ERCC6: variants seen among roughly 807,000 people sequenced by gnomAD.
ERCC6 encodes DNA excision repair protein ERCC-6.
In ERCC6, 116 loss-of-function variants were observed where a neutral mutation model predicts 158.7. The observed-to-expected ratio is 0.73, with a 90% CI of 0.63 to 0.85. ERCC6 has a LOEUF of 0.85. Ranked by LOEUF, ERCC6 falls within the 40% of genes least tolerant of loss-of-function variation. The pLI, the probability that ERCC6 is intolerant of heterozygous loss-of-function variation, is 0.00. For missense variants in ERCC6, 1,698 were observed against 1,799.4 expected (o/e 0.94, Z 1.02); for synonymous variants, 678 against 659.3 (o/e 1.03, Z -0.43).
Position 49,532,924 on chromosome 10 carries a change from T to C in ERCC6, c.41A>G (p.Glu14Gly), listed in dbSNP as rs1837507568. The change falls in exon 2 of 21, where the codon GAG becomes GGG. Residue 14 changes from glutamate (E) to glycine (G), a missense_variant. Glu to Gly is a moderately conservative substitution (Grantham distance 98). Transcript: ENST00000355832. The part of the protein sequence containing the change: ...EGIPHSSQTQ[E>G]QDCLQSQPVS... ...AGGTTGACTCTGTAAACAGTCTTGC[T>C]CCTGAGTTTGACTTGAGTGGGGGAT... The C allele has an allele frequency of 1.2e-6, 2 of 1,614,208 alleles. No individual in the cohort carries two copies. The highest frequency in any genetic ancestry group is 8.5e-7 in the Non-Finnish European group (1 of 1,180,034).
chr10:49,448,209 T>A, the ERCC6 span, among the ~76,000 whole-genome samples: 2 of 152,222 alleles, frequency 1.3e-5, no homozygotes, highest in African/African-American at 4.8e-5. Flanking sequence ...TTATTGAGTT[T>A]TAAAAAAATT....
At chr10:49,520,390 A>G (rs1016499802) in intron 5 of ERCC6, among the ~76,000 whole-genome samples, 2 of 152,330 alleles carry the variant, frequency 1.3e-5, no homozygotes. Context: ...CTGCCGATAC[A>G]TGAAAATAGA....
chr10:49,538,615 G>A (rs540660409), intron 1 of ERCC6, among the ~76,000 whole-genome samples: 1 of 152,270 alleles, frequency 6.6e-6, no homozygotes, highest in South Asian at 2.1e-4. Flanking sequence ...CGTACATCTA[G>A]CCCGACTCTC....
intron 1 of ERCC6, among the ~76,000 whole-genome samples, chr10:49,538,395 C>A (rs571949821): frequency 6.6e-6 from 1 of 152,188 alleles, no homozygotes; most frequent in East Asian, 1.9e-4. Context: ...CAGAGACCAC[C>A]TGGACAACTG....
chr10:49,440,207 G>A, the ERCC6 span, among the ~76,000 whole-genome samples: 1 of 152,206 alleles, frequency 6.6e-6, no homozygotes, highest in Non-Finnish European at 1.5e-5. Flanking sequence ...AGAAAAAGAG[G>A]TTTAATTGGA....
intron 8 of ERCC6, among the ~76,000 whole-genome samples, chr10:49,485,853 T>C (rs1190614852): frequency 2.0e-5 from 3 of 152,208 alleles, no homozygotes; most frequent in African/African-American, 4.8e-5. Flanking sequence ...CTAAACCTAG[T>C]AACCCACCAC....
At chr10:49,509,590 T>C (rs1287920534) in intron 5 of ERCC6, among the ~76,000 whole-genome samples, 1 of 152,200 alleles carries the variant, frequency 6.6e-6, no homozygotes, top group African/African-American at 2.4e-5. Flanking sequence ...AATAGTAAAC[T>C]GTCATTAAGT....
At chr10:49,523,176 A>C (rs1180562715) in intron 5 of ERCC6, among the ~76,000 whole-genome samples, 1 of 152,238 alleles carries the variant, frequency 6.6e-6, no homozygotes, top group Non-Finnish European at 1.5e-5. Flanking sequence ...GTATTTTAAA[A>C]GTAATAAGGT....
At chr10:49,508,910 G>C (rs1851490378) in intron 5 of ERCC6, among the ~76,000 whole-genome samples, 3 of 152,112 alleles carry the variant, frequency 2.0e-5, no homozygotes, top group Admixed American at 1.3e-4. Flanking sequence ...GAGACTTTAA[G>C]GGCTCTCTTT....
At chr10:49,453,244 C>CAGA (rs1187499117), downstream of ERCC6, among the ~76,000 whole-genome samples, 1 of 151,992 alleles carries the variant, frequency 6.6e-6, no homozygotes, top group African/African-American at 2.4e-5. Context: ...TACATCTTAT[C>CAGA]AGAATCTGTT....
intron 1 of ERCC6, among the ~76,000 whole-genome samples, chr10:49,537,073 C>T (rs934437054): frequency 1.3e-5 from 2 of 152,032 alleles, no homozygotes; most frequent in African/African-American, 2.4e-5. Context: ...TTGCCGGGAG[C>T]GGTGGCTCAT....
chr10:49,528,939 T>C (rs111500316), intron 3 of ERCC6, among the ~76,000 whole-genome samples: 67 of 152,326 alleles, frequency 4.4e-4, no homozygotes, highest in African/African-American at 1.5e-3. Flanking sequence ...GGCCATAAGA[T>C]AAGAAATAAA....
chr10:49,460,439 ACCAAATCTACTCCTAAAAAAGG>A lies in ERCC6; in HGVS notation c.3984-10_3995del. Reference sequence around the variant, plus strand: ...CAGAGAAGTTAGAATTCCTTTTCTTACCAAATCTACTCCTAAAAAAGGAAAAGCATCACAGTAGATTAAATGT... The same window carrying A: ...CAGAGAAGTTAGAATTCCTTTTCTTAAAAAGCATCACAGTAGATTAAATGT... On this transcript the variant is annotated splice_acceptor_variant and splice_polypyrimidine_tract_variant and coding_sequence_variant and intron_variant, in exon 20 of 21. Coordinates refer to ENST00000355832, the MANE Select transcript of ERCC6 (RefSeq NM_000124.4). LOFTEE classifies it high-confidence loss of function. 2 of 1,611,988 alleles carry A rather than the reference ACCAAATCTACTCCTAAAAAAGG, an allele frequency of 1.2e-6. No individual in the cohort carries two copies. Among genetic ancestry groups the A allele is most frequent in the Non-Finnish European group, 1.7e-6 (2 of 1,178,052 alleles).
chr10:49,438,995 C>T, the ERCC6 span, among the ~76,000 whole-genome samples: 23 of 152,330 alleles, frequency 1.5e-4, no homozygotes, highest in African/African-American at 5.0e-4. Context: ...AGGGTACAGA[C>T]TCCTGCCCAG....
chr10:49,463,162 C>T (rs180966134), intron 18 of ERCC6, among the ~76,000 whole-genome samples: 1 of 152,182 alleles, frequency 6.6e-6, no homozygotes, highest in Admixed American at 6.5e-5. Context: ...TGGGGATGGG[C>T]CCCAAGTCTA....
In ERCC6 at chr10:49,524,299, T is replaced by C; in HGVS notation, c.1131A>G (p.Thr377=). 1 of 1,614,024 alleles carries C rather than the reference T, an allele frequency of 6.2e-7. No homozygotes were observed. Among genetic ancestry groups the C allele is most frequent in the Non-Finnish European group, 8.5e-7 (1 of 1,179,964 alleles). Residue 377 remains threonine, a synonymous_variant, in exon 5 of 21, where the codon ACA becomes ACG. Transcript: ENST00000355832. ...SEGEESEYFP[T]EEEEEEEDDE... is the part of the protein sequence containing the mutation. Reference sequence around the variant, plus strand: ...CATCTTCCTCCTCTTCCTCCTCCTCTGTGGGGAAATACTCAGACTCTTCAC... The same window carrying C: ...CATCTTCCTCCTCTTCCTCCTCCTCCGTGGGGAAATACTCAGACTCTTCAC...
At chr10:49,492,458 C>T (rs1212258840) in intron 8 of ERCC6, among the ~76,000 whole-genome samples, 1 of 152,150 alleles carries the variant, frequency 6.6e-6, no homozygotes, top group East Asian at 1.9e-4. Context: ...GAATCAGACA[C>T]AGTCCCTACT....
chr10:49,462,818 C>G (rs1475118334), intron 18 of ERCC6, among the ~76,000 whole-genome samples: 1 of 152,126 alleles, frequency 6.6e-6, no homozygotes, highest in East Asian at 1.9e-4. Context: ...AGTGTAACAC[C>G]ACACTCTTGA....
chr10:49,526,032 C>G (rs1837311164), intron 4 of ERCC6, among the ~76,000 whole-genome samples: 1 of 149,520 alleles, frequency 6.7e-6, no homozygotes, highest in Non-Finnish European at 1.5e-5. Flanking sequence ...CAGGTTTTGG[C>G]TACTAGGAAT....
Sources: gnomAD v4.1 joint callset for allele counts (sites outside exome capture counted in the v4.1 genomes callset) on GRCh38, gnomAD v4.1.1 for gene constraint, MANE v1.5 for transcripts, NCBI Gene and HGNC (gene_info 2026-07-23, HGNC 2026-07-21) for gene names.